LHFPL3: variants seen among roughly 807,000 people sequenced by gnomAD.
LHFPL3 encodes LHFPL tetraspan subfamily member 3 protein.
In LHFPL3, 5 loss-of-function variants were observed where a neutral mutation model predicts 19.3. That is an observed-to-expected ratio of 0.26 (90% CI 0.14 to 0.54). The LOEUF (loss-of-function observed/expected upper bound fraction) is 0.54. LHFPL3 is among the 20% of genes least tolerant of loss of function. LHFPL3 has a pLI of 0.94. For missense variants in LHFPL3, 249 were observed against 307.4 expected, an observed-to-expected ratio of 0.81 and a Z score of 1.42; for synonymous variants, 133 against 126.2, an observed-to-expected ratio of 1.05 and a Z score of -0.36.
intron 1 of LHFPL3, among the ~76,000 whole-genome samples, chr7:104,523,243 C>T (rs1365629443): frequency 3.3e-5 from 5 of 152,048 alleles, no homozygotes. Flanking sequence ...TACTGTAATA[C>T]AGCCTTTAAA....
chr7:104,688,068 A>G lies in LHFPL3; in HGVS notation c.446-48607A>G, dbSNP rs115552462. Among the ~76,000 whole-genome samples, 411 of 152,364 alleles carry G rather than the reference A, an allele frequency of 2.7e-3. 1 individual carries two copies. The highest frequency in any genetic ancestry group is 9.5e-3 in the African/African-American group (395 of 41,590). ...GTGTGAACTGTTCAGAGATTTATGC[A>G]AAATAAATGCGTTTGATACTCCTGA... On this transcript the variant is annotated intron_variant, in intron 1 of 2. Transcript: ENST00000424859.
chr7:104,741,160 A>G (rs1352630074), intron 2 of LHFPL3, among the ~76,000 whole-genome samples: 1 of 152,210 alleles, frequency 6.6e-6, no homozygotes, highest in East Asian at 1.9e-4. Flanking sequence ...GACACACTTC[A>G]GTCAACTAGC....
At chr7:104,871,276 C>A (rs1025328829) in intron 2 of LHFPL3, among the ~76,000 whole-genome samples, 9 of 152,090 alleles carry the variant, frequency 5.9e-5, no homozygotes. Flanking sequence ...AATTGTAACA[C>A]AATGATAAGT....
intron 2 of LHFPL3, among the ~76,000 whole-genome samples, chr7:104,775,476 T>C (rs1382383477): frequency 6.6e-6 from 1 of 152,228 alleles, no homozygotes; most frequent in African/African-American, 2.4e-5. Context: ...CTTGGCTTTC[T>C]CTTAATATTA....
chr7:104,851,545 C>T (rs761445210), intron 2 of LHFPL3, among the ~76,000 whole-genome samples: 8 of 152,202 alleles, frequency 5.3e-5, no homozygotes, highest in African/African-American at 1.4e-4. Flanking sequence ...ATACGGCCAA[C>T]GCATTGGTCA....
intron 1 of LHFPL3, among the ~76,000 whole-genome samples, chr7:104,337,469 A>AC (rs1789851014): frequency 6.6e-6 from 1 of 152,120 alleles, no homozygotes; most frequent in African/African-American, 2.4e-5. Flanking sequence ...TTATGGCTTC[A>AC]CCCCCAGTCA....
At chr7:104,724,747 T>A (rs1345461264) in intron 1 of LHFPL3, among the ~76,000 whole-genome samples, 1 of 151,658 alleles carries the variant, frequency 6.6e-6, no homozygotes. Flanking sequence ...CATGTACCCC[T>A]GAACTTAAAA....
intron 1 of LHFPL3, among the ~76,000 whole-genome samples, chr7:104,677,247 TG>T (rs1792608756): frequency 6.6e-6 from 1 of 151,956 alleles, no homozygotes; most frequent in Non-Finnish European, 1.5e-5. Context: ...TGTGGTGGCA[TG>T]TGCCTACAGC....
chr7:104,837,014 C>G (rs192974373), intron 2 of LHFPL3, among the ~76,000 whole-genome samples: 2 of 152,110 alleles, frequency 1.3e-5, no homozygotes, highest in African/African-American at 4.8e-5. Context: ...GATCTCCGTT[C>G]CATTAGGAAA....
Position 104,561,375 on chromosome 7 carries a change from G to A in LHFPL3, c.446-175300G>A, listed in dbSNP as rs937737785. Among the ~76,000 whole-genome samples the A allele has an allele frequency of 6.0e-5, 9 of 150,284 alleles. No individual in the cohort carries two copies. The South Asian group carries it at 6.3e-4, about 11-fold the overall frequency. The stretch of plus-strand genomic sequence containing the variant: ...ATGAATCTTGGTGCTCCTGTATTGG[G>A]TGCATATATATTTAGGATAGTTAGC... On this transcript the variant is annotated intron_variant, in intron 1 of 2. Transcript: ENST00000424859.
At chr7:104,807,011 A>ATGTGTGTG (rs10665231) in intron 2 of LHFPL3, among the ~76,000 whole-genome samples, 6,705 of 139,634 alleles carry the variant, frequency 0.048, 186 homozygotes, top group South Asian at 0.07. Flanking sequence ...CAAAATATAT[A>ATGTGTGTG]TGTGTGTGTG....
intron 1 of LHFPL3, among the ~76,000 whole-genome samples, chr7:104,462,531 A>G (rs114034690): frequency 0.026 from 3,988 of 152,254 alleles, 160 homozygotes; most frequent in African/African-American, 0.091. Context: ...TTATGTGATG[A>G]GTCACATTTA....
intron 2 of LHFPL3, among the ~76,000 whole-genome samples, chr7:104,753,881 G>A (rs923895256): frequency 1.3e-5 from 2 of 152,184 alleles, no homozygotes; most frequent in Admixed American, 6.5e-5. Context: ...AATTTAGACA[G>A]GATCATAGGC....
chr7:104,626,345 CTT>C (rs1791546058), intron 1 of LHFPL3, among the ~76,000 whole-genome samples: 1 of 152,158 alleles, frequency 6.6e-6, no homozygotes, highest in African/African-American at 2.4e-5. Flanking sequence ...AAGTTTAAAA[CTT>C]TCTGTATTTT....
intron 2 of LHFPL3, among the ~76,000 whole-genome samples, chr7:104,747,399 T>A (rs185239962): frequency 6.6e-6 from 1 of 152,228 alleles, no homozygotes; most frequent in African/African-American, 2.4e-5. Context: ...GAAGAGATTC[T>A]GCCCAGGCAG....
intron 1 of LHFPL3, among the ~76,000 whole-genome samples, chr7:104,487,594 A>G (rs1056924836): frequency 1.3e-5 from 2 of 152,234 alleles, no homozygotes; most frequent in African/African-American, 2.4e-5. Flanking sequence ...AGAATGTGCA[A>G]ACTCCACACA....
intron 1 of LHFPL3, among the ~76,000 whole-genome samples, chr7:104,468,729 G>T (rs898684946): frequency 6.6e-6 from 1 of 150,972 alleles, no homozygotes; most frequent in African/African-American, 2.4e-5. Context: ...TGCGATCTCG[G>T]CTCACTGCAA....
At chr7:104,359,712 G>C (rs944614968) in intron 1 of LHFPL3, among the ~76,000 whole-genome samples, 3 of 152,198 alleles carry the variant, frequency 2.0e-5, no homozygotes, top group Non-Finnish European at 4.4e-5. Flanking sequence ...AGAATCAAGG[G>C]TAGAATGCGC....
At chr7:104,732,936 A>C (rs868486835) in intron 1 of LHFPL3, among the ~76,000 whole-genome samples, 1 of 152,066 alleles carries the variant, frequency 6.6e-6, no homozygotes, top group Non-Finnish European at 1.5e-5. Flanking sequence ...CTTTGTTCTC[A>C]TTGGTTTCAA....
Sources: allele counts gnomAD v4.1 joint callset (sites outside exome capture counted in the v4.1 genomes callset), GRCh38; gene constraint gnomAD v4.1.1; transcripts MANE v1.5; gene names NCBI Gene and HGNC (gene_info 2026-07-23, HGNC 2026-07-21).